The following RAI14 variants were observed in gnomAD, a reference collection of about 807,000 sequenced individuals.
The protein encoded by RAI14 is ankycorbin.
In RAI14, 45 loss-of-function variants were observed where a neutral mutation model predicts 115.4. The ratio of observed to expected loss-of-function variants is 0.39; its 90% CI spans 0.31 to 0.50. The LOEUF is 0.50. Among genes scored for constraint, RAI14 ranks in the 20% least tolerant of loss-of-function variants. The pLI is 0.85. For synonymous variants in RAI14, 371 were observed against 415.4 expected, an observed-to-expected ratio of 0.89 and a Z score of 1.30; for missense variants, 939 against 1,131.2, an observed-to-expected ratio of 0.83 and a Z score of 2.44.
intron 2 of RAI14, chr5:34,728,498 T>C (rs571306322): frequency 7.2e-5 from 11 of 152,294 alleles, no homozygotes; most frequent in African/African-American, 2.6e-4. Context: ...GTTTTTCCTG[T>C]GCTGTTCTCG....
intron 2 of RAI14, among the ~76,000 whole-genome samples, chr5:34,736,829 A>G (rs1004105426): frequency 2.0e-5 from 3 of 152,216 alleles, no homozygotes; most frequent in African/African-American, 4.8e-5. Flanking sequence ...TTTGCTGTCT[A>G]TAATGTGCAG....
intron 2 of RAI14, among the ~76,000 whole-genome samples, chr5:34,728,376 A>G (rs866108706): frequency 6.6e-6 from 1 of 152,172 alleles, no homozygotes; most frequent in African/African-American, 2.4e-5. Context: ...GGGAGGGGCC[A>G]GGGGCAGATT....
rs1319564323 is a variant in RAI14, at chr5:34,791,963, C to A, written c.168-3976C>A. On this transcript the variant is annotated intron_variant, in intron 3 of 17. Coordinates refer to ENST00000265109, the MANE Select transcript of RAI14 (RefSeq NM_015577.3). This position sits in a 1 kb window ranked among gnomAD's most constrained non-coding sequence, Gnocchi z 5.4. ...AACCAGGAGCCAAAGCACAGGGCAG[C>A]CCATTGGATGCAGTTCATTAGGGGA... Among the ~76,000 whole-genome samples the A allele has an allele frequency of 6.6e-6, 1 of 152,202 alleles. No homozygotes were observed. Among genetic ancestry groups the A allele is most frequent in the African/African-American group, 2.4e-5 (1 of 41,442 alleles).
intron 3 of RAI14, among the ~76,000 whole-genome samples, chr5:34,779,466 A>T (rs2150155621): frequency 6.6e-6 from 1 of 152,376 alleles, no homozygotes; most frequent in South Asian, 2.1e-4. Flanking sequence ...TTGTATATCT[A>T]GAAAACCCCA....
intron 3 of RAI14, among the ~76,000 whole-genome samples, chr5:34,789,889 G>A (rs149851250): frequency 6.6e-6 from 1 of 152,276 alleles, no homozygotes; most frequent in East Asian, 1.9e-4. Context: ...AACCCAGATA[G>A]TCTGAGCCCT....
At chr5:34,751,766 G>T (rs1292862843) in intron 2 of RAI14, among the ~76,000 whole-genome samples, 1 of 152,106 alleles carries the variant, frequency 6.6e-6, no homozygotes, top group East Asian at 1.9e-4. Context: ...CACAGGTTGG[G>T]GAAAGACCAA....
At chr5:34,811,674 ATCT>A (rs1755601880) in intron 8 of RAI14, 90 bp from the exon 9 acceptor site, 1 of 1,180,492 alleles carries the variant, frequency 8.5e-7, no homozygotes, top group Admixed American at 2.7e-5. Context: ...ACTGCACTTA[ATCT>A]TCTTTTCTCT....
At chr5:34,702,949 G>A (rs912782295) in intron 2 of RAI14, among the ~76,000 whole-genome samples, 1 of 152,080 alleles carries the variant, frequency 6.6e-6, no homozygotes, top group Non-Finnish European at 1.5e-5. Flanking sequence ...CAGGTGGTCC[G>A]CCTGCCTCGG....
intron 2 of RAI14, among the ~76,000 whole-genome samples, chr5:34,700,205 A>T (rs192302740): frequency 6.6e-6 from 1 of 152,268 alleles, no homozygotes; most frequent in Non-Finnish European, 1.5e-5. Context: ...TTTGGTGCAC[A>T]GTTTTCCCCT....
At chr5:34,812,455 C>T (rs1474032236) in intron 10 of RAI14, among the ~76,000 whole-genome samples, 1 of 152,116 alleles carries the variant, frequency 6.6e-6, no homozygotes, top group African/African-American at 2.4e-5. Flanking sequence ...CACCTGAGGT[C>T]GGGAGTTCAA....
intron 2 of RAI14, among the ~76,000 whole-genome samples, chr5:34,751,086 G>C (rs932067085): frequency 6.7e-6 from 1 of 149,040 alleles, no homozygotes. Flanking sequence ...CCCGAACTCA[G>C]GTGATCCGCC....
At chr5:34,692,130 G>A (rs893234022) in intron 2 of RAI14, among the ~76,000 whole-genome samples, 2 of 152,224 alleles carry the variant, frequency 1.3e-5, no homozygotes, top group Admixed American at 1.3e-4. Flanking sequence ...AGGCATGGTG[G>A]TGCATGCTCG....
At chr5:34,747,385 G>A (rs1014466793) in intron 2 of RAI14, among the ~76,000 whole-genome samples, 3 of 152,200 alleles carry the variant, frequency 2.0e-5, no homozygotes, top group Admixed American at 2.0e-4. Context: ...TGAGTCCACA[G>A]CACTAGTCTA....
At chr5:34,826,203 G>A in intron 15 of RAI14, 127 bp from the exon 16 acceptor site, 1 of 784,978 alleles carries the variant, frequency 1.3e-6, no homozygotes, top group East Asian at 2.8e-5. Flanking sequence ...GTATTAAAAA[G>A]GAATTGTTCC....
chr5:34,749,136 G>A (rs1030517365), intron 2 of RAI14, among the ~76,000 whole-genome samples: 57 of 152,208 alleles, frequency 3.7e-4, no homozygotes, highest in African/African-American at 1.3e-3. Context: ...TTTGTCTTTC[G>A]TCTTAGACTT....
At chr5:34,829,061 T>C (rs1481882773) in intron 16 of RAI14, among the ~76,000 whole-genome samples, 1 of 152,268 alleles carries the variant, frequency 6.6e-6, no homozygotes, top group East Asian at 1.9e-4. Flanking sequence ...TTTGATATAT[T>C]TCCTTGCAGT....
chr5:34,677,714 T>C (rs1253265867), intron 1 of RAI14, among the ~76,000 whole-genome samples: 2 of 152,182 alleles, frequency 1.3e-5, no homozygotes, highest in Admixed American at 1.3e-4. Context: ...GCTGGGATTA[T>C]AGGCATGAGT....
intron 13 of RAI14, among the ~76,000 whole-genome samples, chr5:34,819,690 A>G (rs2150287456): frequency 6.6e-6 from 1 of 152,340 alleles, no homozygotes; most frequent in South Asian, 2.1e-4. Context: ...TCCAGCATTC[A>G]GTGTCTTAAT....
At chr5:34,778,103 C>A (rs1751113649) in intron 3 of RAI14, among the ~76,000 whole-genome samples, 1 of 152,162 alleles carries the variant, frequency 6.6e-6, no homozygotes, top group Non-Finnish European at 1.5e-5. Flanking sequence ...AACAAATATT[C>A]ACATGTACTC....
Sources: allele counts gnomAD v4.1 joint callset (sites outside exome capture counted in the v4.1 genomes callset), GRCh38; gene constraint gnomAD v4.1.1; non-coding constraint Gnocchi (gnomAD v3.1); transcripts MANE v1.5; gene names NCBI Gene and HGNC (gene_info 2026-07-23, HGNC 2026-07-21).